Variants in HMCES observed in about 807,000 individuals in gnomAD.
The protein encoded by HMCES is 5-hydroxymethylcytosine binding, ES cell specific.
HMCES carries 27 observed loss-of-function variants against 35.1 expected under a neutral mutation model. The observed-to-expected ratio is 0.77, with a 90% CI of 0.57 to 1.06. The LOEUF is 1.06. Among genes scored for constraint, HMCES ranks in the 50% least tolerant of loss-of-function variants. The pLI, the probability that HMCES is intolerant of heterozygous loss-of-function variation, is 0.00. For missense variants in HMCES, 391 were observed against 430.4 expected (o/e 0.91, Z 0.81); for synonymous variants, 130 against 154.7 (o/e 0.84, Z 1.18).
chr3:129,279,936 C>G lies in HMCES; in HGVS notation c.183+21C>G, dbSNP rs201640645. The stretch of plus-strand genomic sequence containing the variant: ...AGAAGGTAACCAGCATTGCACTATG[C>G]TAGCCCCTCGCCCAGCCTCGTGATG... On this transcript the variant is annotated intron_variant, in intron 2 of 6. Transcript: ENST00000383463. The surrounding 1 kb of genome is among the most constrained non-coding windows in gnomAD (Gnocchi z 4.2). 7.9e-5 allele frequency: 121 copies of G among 1,530,050 alleles called. 2 individuals are homozygous for G. The Admixed American group carries it at 2.7e-3, about 34-fold the overall frequency. The allele number at this position is 1,530,050 out of a possible 1,614,324, so 94.8% of individuals were successfully genotyped here.
Position 129,288,964 on chromosome 3 carries a change from T to C in HMCES, c.294T>C (p.Arg98=). Residue 98 remains arginine, a synonymous_variant, in exon 3 of 7, where the codon CGT becomes CGC. Coordinates refer to ENST00000383463, the MANE Select transcript of HMCES (RefSeq NM_020187.3). ...SKLQFNTTNC[R]SDTVMEKRSF... The stretch of plus-strand genomic sequence containing the variant: ...TGCAGTTCAATACTACCAACTGTCG[T>C]AGTGATACCGTAATGGAGAAACGGT... 2 of 1,590,218 alleles carry C rather than the reference T, an allele frequency of 1.3e-6. No individual in the cohort carries two copies. Among genetic ancestry groups the C allele is most frequent in the Non-Finnish European group, 1.7e-6 (2 of 1,161,290 alleles).
rs562180048 is a variant in HMCES at position 129,279,381 on chromosome 3, C to T, written c.-23-329C>T. 3.9e-5 allele frequency among the ~76,000 whole-genome samples: 6 copies of T among 152,226 alleles called. No individual in the cohort carries two copies. In the South Asian group the frequency reaches 1.2e-3, roughly 32 times the overall value. ...GGGGAGTTGGGGGCACCAAGTCACC[C>T]GGAGGAGGCGACCCCAGCTAGCTGC... On this transcript the variant is annotated intron_variant, in intron 1 of 6. Coordinates refer to ENST00000383463, the MANE Select transcript of HMCES (RefSeq NM_020187.3). This position sits in a 1 kb window ranked among gnomAD's most constrained non-coding sequence, Gnocchi z 4.2.
intron 2 of HMCES, among the ~76,000 whole-genome samples, chr3:129,282,525 A>G (rs1257571399): frequency 6.6e-6 from 1 of 152,178 alleles, no homozygotes; most frequent in African/African-American, 2.4e-5. Context: ...TGGAGCCACT[A>G]GCAAATACAG....
At chr3:129,287,917 C>T (rs568145793) in intron 2 of HMCES, among the ~76,000 whole-genome samples, 9 of 152,038 alleles carry the variant, frequency 5.9e-5, no homozygotes, top group Non-Finnish European at 1.2e-4. Context: ...AATTAGCTGG[C>T]GTGGTGGTGG....
At position 129,279,765 on chromosome 3, in the gene HMCES, A is replaced by C. The variant is rs1246696406; in HGVS notation, c.33A>C (p.Arg11Ser). 6.2e-7 allele frequency: 1 copy of C among 1,613,014 alleles called. No homozygotes were observed. The highest frequency in any genetic ancestry group is 1.7e-5 in the Admixed American group (1 of 59,696). Reference protein sequence around the residue: MCGRTSCHLPRDVLTRACAYQ... With the variant: MCGRTSCHLPSDVLTRACAYQ... ...GGCGAACATCCTGTCACTTACCTAGAGATGTTCTCACGAGAGCTTGCGCCT... is the reference window on the plus strand; with the variant it reads ...GGCGAACATCCTGTCACTTACCTAGCGATGTTCTCACGAGAGCTTGCGCCT... The change falls in exon 2 of 7, where the codon AGA becomes AGC. Residue 11 changes from arginine to serine, a missense_variant. Arg to Ser is a moderately radical substitution (Grantham distance 110). Transcript: ENST00000383463. This position sits in a 1 kb window ranked among gnomAD's most constrained non-coding sequence, Gnocchi z 4.2.
intron 3 of HMCES, 85 bp from the exon 4 acceptor site, chr3:129,290,594 T>C (rs984155369): frequency 3.2e-5 from 47 of 1,462,732 alleles, no homozygotes; most frequent in Non-Finnish European, 4.3e-5. Flanking sequence ...AAACCTCAGA[T>C]TTTAATTCAA....
chr3:129,287,879 G>T (rs1940680128), intron 2 of HMCES, among the ~76,000 whole-genome samples: 1 of 152,044 alleles, frequency 6.6e-6, no homozygotes, highest in Admixed American at 6.6e-5. Context: ...CCAGAATGGT[G>T]AAACCCCGTC....
intron 5 of HMCES, among the ~76,000 whole-genome samples, chr3:129,301,169 G>A (rs1237752188): frequency 7.7e-6 from 1 of 129,764 alleles, no homozygotes; most frequent in Non-Finnish European, 1.6e-5. Flanking sequence ...TCCAGCCTGG[G>A]CAACACAGCA....
intron 4 of HMCES, 124 bp downstream of exon 4, chr3:129,290,928 T>A: frequency 1.1e-6 from 1 of 940,940 alleles, no homozygotes; most frequent in Admixed American, 2.4e-5. Context: ...TTTGGCCCAG[T>A]GCGGTGGCTC....
intron 4 of HMCES, among the ~76,000 whole-genome samples, chr3:129,292,582 T>G (rs1438207798): frequency 1.3e-5 from 2 of 148,964 alleles, no homozygotes; most frequent in East Asian, 4.0e-4. Context: ...AGCCTCTGCC[T>G]CTCGGGTTCA....
At chr3:129,284,728 C>T (rs759738661) in intron 2 of HMCES, among the ~76,000 whole-genome samples, 6 of 152,196 alleles carry the variant, frequency 3.9e-5, no homozygotes, top group Non-Finnish European at 7.3e-5. Flanking sequence ...GCGTAACCAA[C>T]ATAGTGAAAC....
intron 4 of HMCES, among the ~76,000 whole-genome samples, chr3:129,291,516 CATA>C (rs1440726243): frequency 1.3e-5 from 2 of 152,142 alleles, no homozygotes; most frequent in African/African-American, 4.8e-5. Context: ...TTTGATTTAG[CATA>C]ATGTTTTCAA....
chr3:129,291,743 A>C (rs1010428464), intron 4 of HMCES, among the ~76,000 whole-genome samples: 3 of 152,188 alleles, frequency 2.0e-5, no homozygotes, highest in Non-Finnish European at 4.4e-5. Context: ...TTGCTAGGTC[A>C]TATTACAACT....
chr3:129,290,263 C>T (rs2070993183), intron 3 of HMCES, among the ~76,000 whole-genome samples: 1 of 146,000 alleles, frequency 6.8e-6, no homozygotes. Flanking sequence ...CATTGGCAGA[C>T]CTCAGATTTT....
At chr3:129,294,933 G>A (rs1438889976) in intron 4 of HMCES, among the ~76,000 whole-genome samples, 3 of 151,634 alleles carry the variant, frequency 2.0e-5, no homozygotes, top group Non-Finnish European at 4.4e-5. Context: ...CGAGGTGGGC[G>A]GATCACCAGG....
chr3:129,298,601 G>T (rs2071122652), intron 5 of HMCES, 66 bp downstream of exon 5: 2 of 1,437,004 alleles, frequency 1.4e-6, no homozygotes, highest in African/African-American at 2.8e-5. Context: ...CTGCTTTTAG[G>T]TAGCTTTAGA....
rs1275776858 is a variant in HMCES, at chr3:129,305,463, CTT to C, written c.*640_*641del. ...TGGGCTCCTTATTATGTTTCTTTTT[CTT>C]TCATTCTTGATACTTGGAAGTCGTC... On this transcript the variant is annotated 3_prime_UTR_variant, in exon 7 of 7. Coordinates refer to ENST00000383463, the MANE Select transcript of HMCES (RefSeq NM_020187.3). The C allele has an allele frequency of 1.3e-5, 2 of 152,084 alleles. No individual in the cohort carries two copies. Among genetic ancestry groups the C allele is most frequent in the African/African-American group, 4.8e-5 (2 of 41,402 alleles). The allele number at this position is 152,084 out of a possible 1,614,324, so 9.4% of individuals were successfully genotyped here. A position where few individuals can be genotyped will look rare whatever the true frequency, so the allele number is the denominator to read the frequency against.
At chr3:129,296,914 A>G (rs2071100248) in intron 4 of HMCES, among the ~76,000 whole-genome samples, 1 of 151,838 alleles carries the variant, frequency 6.6e-6, no homozygotes, top group South Asian at 2.1e-4. Context: ...AATTTTTTGT[A>G]TTTTTAGTAG....
chr3:129,284,705 G>C lies in HMCES; in HGVS notation c.184-4149G>C, dbSNP rs1185301765. On this transcript the variant is annotated intron_variant, in intron 2 of 6. Coordinates refer to ENST00000383463, the MANE Select transcript of HMCES (RefSeq NM_020187.3). ...AGGCAGGCGGATCACTTGAGGTCAG[G>C]AGTTCGAGACCAGCGTAACCAACAT... Among the ~76,000 whole-genome samples, 3 of 152,204 alleles carry C rather than the reference G, an allele frequency of 2.0e-5. No homozygotes were observed. The East Asian group carries it at 5.8e-4, about 29-fold the overall frequency.
Sources: gnomAD v4.1 joint callset for allele counts (sites outside exome capture counted in the v4.1 genomes callset) on GRCh38, gnomAD v4.1.1 for gene constraint, Gnocchi (gnomAD v3.1) non-coding constraint, MANE v1.5 for transcripts, NCBI Gene and HGNC (gene_info 2026-07-23, HGNC 2026-07-21) for gene names.